The following THSD4 variants were observed in gnomAD, a reference collection of about 807,000 sequenced individuals.
The protein encoded by THSD4 is thrombospondin type-1 domain-containing protein 4.
In THSD4, 69 loss-of-function variants were observed where a neutral mutation model predicts 119.0. The ratio of observed to expected loss-of-function variants is 0.58; its 90% CI spans 0.48 to 0.71. THSD4 has a LOEUF of 0.71. THSD4 is among the 30% of genes least tolerant of loss of function. The pLI is 0.00. For missense variants in THSD4, 1,393 were observed against 1,391.1 expected (o/e 1.00, Z -0.02); for synonymous variants, 524 against 540.4 (o/e 0.97, Z 0.42).
At chr15:71,214,288 C>G (rs1382031788) in intron 3 of THSD4, among the ~76,000 whole-genome samples, 1 of 152,208 alleles carries the variant, frequency 6.6e-6, no homozygotes, top group Non-Finnish European at 1.5e-5. Context: ...AGCCAGCAGC[C>G]GCAACTTGCT....
In THSD4 at chr15:71,671,819, C is replaced by T. The variant is rs541445557; in HGVS notation, c.1357+11085C>T. ...AGATATGTGGTGTTATTTCTGAGGG[C>T]TCTGTTCTGATCCATTGGTTTATAT... On this transcript the variant is annotated intron_variant, in intron 8 of 17. Coordinates refer to ENST00000261862, the MANE Select transcript of THSD4 (RefSeq NM_024817.3). Among the ~76,000 whole-genome samples, 78 of 152,244 alleles carry T rather than the reference C, an allele frequency of 5.1e-4. No homozygotes were observed. The South Asian group carries it at 0.011, about 21-fold the overall frequency.
chr15:71,611,932 T>C (rs901744098), intron 7 of THSD4, among the ~76,000 whole-genome samples: 1 of 151,848 alleles, frequency 6.6e-6, no homozygotes, highest in Admixed American at 6.6e-5. Context: ...GTTTGGAAAA[T>C]TGGGCAGGGA....
intron 7 of THSD4, among the ~76,000 whole-genome samples, chr15:71,546,304 G>A (rs1164895027): frequency 6.6e-6 from 1 of 152,064 alleles, no homozygotes; most frequent in African/African-American, 2.4e-5. Context: ...CCTCAGAATA[G>A]CACCTTGAGC....
At position 71,277,828 on chromosome 15, in the gene THSD4, C is replaced by A. The variant is rs115642314; in HGVS notation, c.1015+21113C>A. The stretch of plus-strand genomic sequence containing the variant: ...TTGGATGGTCCACTGAAGGTAGATA[C>A]CTCCCAGCCCTTTCTGTGCTGGGAC... On this transcript the variant is annotated intron_variant, in intron 6 of 17. Coordinates refer to ENST00000261862, the MANE Select transcript of THSD4 (RefSeq NM_024817.3). Among the ~76,000 whole-genome samples the A allele has an allele frequency of 3.8e-3, 572 of 152,274 alleles. 4 individuals are homozygous for A. Among genetic ancestry groups the A allele is most frequent in the African/African-American group, 0.013 (549 of 41,542 alleles).
intron 7 of THSD4, among the ~76,000 whole-genome samples, chr15:71,591,407 G>C (rs1396289561): frequency 6.6e-6 from 1 of 152,186 alleles, no homozygotes; most frequent in Non-Finnish European, 1.5e-5. Context: ...ATATAACTAT[G>C]TGATAAGATT....
chr15:71,223,530 G>A (rs765936511), intron 4 of THSD4, among the ~76,000 whole-genome samples: 30 of 152,152 alleles, frequency 2.0e-4, no homozygotes, highest in Non-Finnish European at 4.4e-5. Flanking sequence ...TGCTGTTAAG[G>A]CTGCCTCTGG....
At chr15:71,241,420 CA>C (rs1287131947) in intron 4 of THSD4, among the ~76,000 whole-genome samples, 2 of 152,112 alleles carry the variant, frequency 1.3e-5, no homozygotes, top group Non-Finnish European at 2.9e-5. Flanking sequence ...CCCAAAGCAA[CA>C]TTTATTGTAT....
intron 7 of THSD4, among the ~76,000 whole-genome samples, chr15:71,466,724 A>G (rs2047505367): frequency 6.6e-6 from 1 of 152,136 alleles, no homozygotes; most frequent in Non-Finnish European, 1.5e-5. Flanking sequence ...TCTGAATTGG[A>G]GCCAGGGCTG....
intron 7 of THSD4, among the ~76,000 whole-genome samples, chr15:71,447,485 C>T (rs1008968393): frequency 4.6e-5 from 7 of 152,096 alleles, no homozygotes; most frequent in Admixed American, 3.9e-4. Flanking sequence ...GAGTCACCCT[C>T]GGAGAGACTT....
intron 14 of THSD4, 60 bp from the exon 15 acceptor site, chr15:71,757,842 A>G (rs8026307): frequency 0.078 from 124,762 of 1,595,498 alleles, 9,295 homozygotes; most frequent in African/African-American, 0.34. Context: ...CCATCATTTG[A>G]AAGTGGCTTC....
At chr15:71,118,009 G>A (rs954111087) in intron 1 of THSD4, among the ~76,000 whole-genome samples, 1 of 152,068 alleles carries the variant, frequency 6.6e-6, no homozygotes, top group Non-Finnish European at 1.5e-5. Context: ...AAGGAGATGC[G>A]AATGAGGGAG....
intron 17 of THSD4, 88 bp from the exon 18 acceptor site, chr15:71,777,144 A>AAGCCAC: frequency 6.6e-7 from 1 of 1,519,478 alleles, no homozygotes; most frequent in East Asian, 2.3e-5. Flanking sequence ...GCAGGAGTTA[A>AAGCCAC]AGCCACAGCC....
At chr15:71,680,882 C>T (rs1163937922) in intron 8 of THSD4, among the ~76,000 whole-genome samples, 1 of 150,810 alleles carries the variant, frequency 6.6e-6, no homozygotes, top group East Asian at 1.9e-4. Flanking sequence ...GCACAAAATA[C>T]TTATTCAATA....
At position 71,143,387 on chromosome 15, in the gene THSD4, C is replaced by T. The variant is rs2040623707; in HGVS notation, c.29+1831C>T. On this transcript the variant is annotated intron_variant, in intron 2 of 17. Transcript: ENST00000261862. Reference sequence around the variant, plus strand: ...TAAAACTATAGGGTAGTGAGAAATGCAGTTGGCCCACAGGGTCATTGTAGG... The same window carrying T: ...TAAAACTATAGGGTAGTGAGAAATGTAGTTGGCCCACAGGGTCATTGTAGG... 2.0e-5 allele frequency among the ~76,000 whole-genome samples: 3 copies of T among 152,018 alleles called. No homozygotes were observed. The South Asian group carries it at 6.2e-4, about 32-fold the overall frequency.
intron 6 of THSD4, among the ~76,000 whole-genome samples, chr15:71,297,312 C>CTTTTTTTT (rs1221284225): frequency 1.5e-3 from 105 of 70,558 alleles, no homozygotes; most frequent in African/African-American, 4.7e-3. Context: ...TTGCTCTCCT[C>CTTTTTTTT]TTCTTTTTTT....
intron 6 of THSD4, among the ~76,000 whole-genome samples, chr15:71,352,444 C>T (rs747838521): frequency 3.9e-5 from 6 of 152,164 alleles, no homozygotes; most frequent in Non-Finnish European, 7.4e-5. Context: ...ATGTTTCCCA[C>T]GGTCATGGCC....
At chr15:71,188,810 A>C (rs1467253656) in intron 3 of THSD4, 1 of 152,626 alleles carries the variant, frequency 6.6e-6, no homozygotes, top group Non-Finnish European at 1.5e-5. Context: ...AAAAGGATAC[A>C]CTTACAGGAG....
At chr15:71,542,535 T>C (rs982204729) in intron 7 of THSD4, among the ~76,000 whole-genome samples, 3 of 152,124 alleles carry the variant, frequency 2.0e-5, no homozygotes, top group Admixed American at 1.3e-4. Context: ...TATAGTATTC[T>C]TCGTAAAAAC....
intron 6 of THSD4, among the ~76,000 whole-genome samples, chr15:71,368,052 T>C (rs565278378): frequency 1.0e-3 from 158 of 152,348 alleles, no homozygotes; most frequent in African/African-American, 3.5e-3. Context: ...GAGCATTTTT[T>C]CATGTGTCTT....
Sources: gnomAD v4.1 joint callset for allele counts (sites outside exome capture counted in the v4.1 genomes callset) on GRCh38, gnomAD v4.1.1 for gene constraint, MANE v1.5 for transcripts, NCBI Gene and HGNC (gene_info 2026-07-23, HGNC 2026-07-21) for gene names.